DOCK3: variants seen among roughly 807,000 people sequenced by gnomAD.
DOCK3 encodes the protein dedicator of cytokinesis 3, also known as dedicator of cytokinesis protein 3.
DOCK3 carries 60 observed loss-of-function variants against 265.6 expected under a neutral mutation model. The ratio of observed to expected loss-of-function variants is 0.23; its 90% CI spans 0.18 to 0.28. The LOEUF is 0.28. DOCK3 is among the 10% of genes least tolerant of loss of function. The probability of loss-of-function intolerance (pLI) is 1.00; values close to 1 mark genes in which losing one functional copy is unlikely to be tolerated. For missense variants in DOCK3, 1,981 were observed against 2,594.3 expected (o/e 0.76, Z 5.14); for synonymous variants, 881 against 938.0 (o/e 0.94, Z 1.11).
chr3:51,149,871 G>A (rs2085493821), intron 10 of DOCK3, among the ~76,000 whole-genome samples: 1 of 152,172 alleles, frequency 6.6e-6, no homozygotes. Flanking sequence ...AGTTAGGGAG[G>A]ATTCCCTCTT....
intron 3 of DOCK3, among the ~76,000 whole-genome samples, chr3:50,879,250 A>G (rs974770545): frequency 6.6e-6 from 1 of 152,214 alleles, no homozygotes; most frequent in Non-Finnish European, 1.5e-5. Flanking sequence ...CTAACATCAT[A>G]ATGACAGGAT....
At chr3:50,881,603 A>G (rs1323388550) in intron 3 of DOCK3, among the ~76,000 whole-genome samples, 1 of 152,194 alleles carries the variant, frequency 6.6e-6, no homozygotes, top group East Asian at 1.9e-4. Context: ...CCACTGCTCA[A>G]CGAAATAAAA....
intron 1 of DOCK3, among the ~76,000 whole-genome samples, chr3:50,726,236 T>C (rs1240896701): frequency 6.6e-6 from 1 of 152,188 alleles, no homozygotes; most frequent in Non-Finnish European, 1.5e-5. Flanking sequence ...GTTGAATCCA[T>C]GGATACAGAA....
intron 5 of DOCK3, among the ~76,000 whole-genome samples, chr3:50,972,620 C>A (rs1210202103): frequency 6.6e-6 from 1 of 152,200 alleles, no homozygotes; most frequent in Non-Finnish European, 1.5e-5. Flanking sequence ...AACCCTGAAG[C>A]TCTCCTCGGT....
At chr3:50,782,124 C>G (rs1300338744) in intron 2 of DOCK3, among the ~76,000 whole-genome samples, 1 of 152,004 alleles carries the variant, frequency 6.6e-6, no homozygotes, top group East Asian at 1.9e-4. Context: ...GATTTATATT[C>G]CTTCGGGTAT....
chr3:51,284,999 A>T (rs572751660), intron 27 of DOCK3, among the ~76,000 whole-genome samples: 1 of 152,336 alleles, frequency 6.6e-6, no homozygotes, highest in Admixed American at 6.5e-5. Context: ...TATCATGAAG[A>T]TACAATGAAC....
intron 2 of DOCK3, chr3:50,788,020 A>T: frequency 1.3e-6 from 1 of 747,402 alleles, no homozygotes; most frequent in Non-Finnish European, 2.3e-6. Context: ...TAGCATGCAC[A>T]TCAGACTCTG....
chr3:50,888,810 G>A (rs1359473251), intron 3 of DOCK3, among the ~76,000 whole-genome samples: 1 of 152,154 alleles, frequency 6.6e-6, no homozygotes, highest in Non-Finnish European at 1.5e-5. Flanking sequence ...CTAGCCATAT[G>A]TAGAAAGCTG....
chr3:50,954,672 A>G (rs139593423), intron 5 of DOCK3, among the ~76,000 whole-genome samples: 3 of 151,910 alleles, frequency 2.0e-5, no homozygotes, highest in African/African-American at 7.2e-5. Context: ...CTTTTTAATG[A>G]GGTGGTTTTT....
chr3:50,766,279 C>G (rs542482343), intron 1 of DOCK3, among the ~76,000 whole-genome samples: 4 of 129,758 alleles, frequency 3.1e-5, no homozygotes, highest in African/African-American at 1.2e-4. Context: ...CCCCTCCCCC[C>G]ACCCCACAAC....
chr3:51,086,122 G>A (rs1450588991), intron 7 of DOCK3, among the ~76,000 whole-genome samples: 5 of 152,212 alleles, frequency 3.3e-5, no homozygotes, highest in African/African-American at 1.2e-4. Context: ...GATAAGCATT[G>A]TTTCTATAGA....
chr3:50,758,047 G>GT (rs996537109), intron 1 of DOCK3, among the ~76,000 whole-genome samples: 2 of 151,372 alleles, frequency 1.3e-5, no homozygotes, highest in Non-Finnish European at 2.9e-5. Context: ...GAGTGGCAGT[G>GT]TGTGTGTGTA....
intron 9 of DOCK3, among the ~76,000 whole-genome samples, chr3:51,096,606 G>A (rs1408343699): frequency 2.6e-5 from 4 of 152,146 alleles, no homozygotes; most frequent in Non-Finnish European, 2.9e-5. Context: ...TTAGCTTGGA[G>A]GAGTTTGTTA....
intron 12 of DOCK3, among the ~76,000 whole-genome samples, chr3:51,174,878 C>G (rs1489016457): frequency 6.6e-6 from 1 of 152,186 alleles, no homozygotes; most frequent in Non-Finnish European, 1.5e-5. Flanking sequence ...AGTTGGTGGG[C>G]CTCTTTCCAG....
At chr3:51,180,255 T>G (rs1029717658) in intron 12 of DOCK3, among the ~76,000 whole-genome samples, 6 of 151,972 alleles carry the variant, frequency 3.9e-5, no homozygotes, top group Admixed American at 3.9e-4. Flanking sequence ...TGCCACCTTT[T>G]TAGCAACCAA....
At chr3:51,378,604 T>C (rs910011792) in intron 51 of DOCK3, among the ~76,000 whole-genome samples, 3 of 152,242 alleles carry the variant, frequency 2.0e-5, no homozygotes, top group African/African-American at 7.2e-5. Flanking sequence ...GAGAGTTGCC[T>C]GGCTCCAACA....
At chr3:51,128,431 G>A (rs2084362465) in intron 9 of DOCK3, among the ~76,000 whole-genome samples, 1 of 152,194 alleles carries the variant, frequency 6.6e-6, no homozygotes. Context: ...GCTGCTTTAG[G>A]ATGATGGGGA....
chr3:50,886,187 GATAT>G lies in DOCK3; in HGVS notation c.163-3820_163-3817del, dbSNP rs141280910. 7.3e-3 allele frequency among the ~76,000 whole-genome samples: 973 copies of G among 132,760 alleles called. 21 individuals are homozygous for G. Among genetic ancestry groups the G allele is most frequent in the African/African-American group, 0.024 (908 of 37,694 alleles). The allele number at this position is 132,760 out of a possible 152,430, so 87.1% of individuals were successfully genotyped here. A position where few individuals can be genotyped will look rare whatever the true frequency, so the allele number is the denominator to read the frequency against. On this transcript the variant is annotated intron_variant, in intron 3 of 52. Coordinates refer to ENST00000266037, the MANE Select transcript of DOCK3 (RefSeq NM_004947.5). ...CTTTCAGAATATTTTTTATTTTGGA[GATAT>G]ATATATATATATATATATTCCAGAG...
At chr3:50,851,483 G>A (rs1473240537) in intron 3 of DOCK3, among the ~76,000 whole-genome samples, 1 of 152,158 alleles carries the variant, frequency 6.6e-6, no homozygotes, top group Non-Finnish European at 1.5e-5. Flanking sequence ...GCTGCACCAT[G>A]GTCAATGTCC....
Sources: gnomAD v4.1 joint callset for allele counts (sites outside exome capture counted in the v4.1 genomes callset) on GRCh38, gnomAD v4.1.1 for gene constraint, MANE v1.5 for transcripts, NCBI Gene and HGNC (gene_info 2026-07-23, HGNC 2026-07-21) for gene names.